Variants in RCAN2 observed in about 807,000 individuals in gnomAD.
RCAN2 encodes the protein regulator of calcineurin 2.
A neutral mutation model predicts 23.6 loss-of-function variants in RCAN2; 9 were observed. The ratio of observed to expected loss-of-function variants is 0.38; its 90% confidence interval spans 0.23 to 0.67. The LOEUF (loss-of-function observed/expected upper bound fraction) is 0.67, where lower values mean the gene tolerates loss of function less well. Ranked by LOEUF, RCAN2 falls within the 30% of genes least tolerant of loss-of-function variation. The probability of loss-of-function intolerance (pLI) is 0.51; values close to 1 mark genes in which losing one functional copy is unlikely to be tolerated. For missense variants in RCAN2, 273 were observed against 302.3 expected (o/e 0.90, Z 0.72); for synonymous variants, 109 against 115.7 (o/e 0.94, Z 0.37).
intron 2 of RCAN2, among the ~76,000 whole-genome samples, chr6:46,341,643 C>A (rs2396637): frequency 0.42 from 63,845 of 151,542 alleles, 14,856 homozygotes; most frequent in East Asian, 0.6. Context: ...ACTAAAAATA[C>A]AAAAAATAGC....
intron 2 of RCAN2, among the ~76,000 whole-genome samples, chr6:46,414,815 C>CAT (rs1200842080): frequency 1.3e-5 from 2 of 152,136 alleles, no homozygotes; most frequent in African/African-American, 2.4e-5. Context: ...TATGTGCACA[C>CAT]ATATATATAT....
At chr6:46,337,531 C>T (rs1192858715) in intron 2 of RCAN2, among the ~76,000 whole-genome samples, 1 of 152,200 alleles carries the variant, frequency 6.6e-6, no homozygotes, top group East Asian at 1.9e-4. Flanking sequence ...GAAAAGCAAA[C>T]GTACCATATT....
chr6:46,357,102 A>G lies in RCAN2; in HGVS notation c.225+99650T>C, dbSNP rs142502519. Among the ~76,000 whole-genome samples, 577 of 152,290 alleles carry G rather than the reference A, an allele frequency of 3.8e-3. 2 individuals are homozygous for G. The highest frequency in any genetic ancestry group is 0.013 in the African/African-American group (553 of 41,560). On this transcript the variant is annotated intron_variant, in intron 2 of 4. Transcript: ENST00000371374. ...GGAATTTTTAGTGGAGCAGGCTGCCATATCAGGCTGCCTCTGCCAAGACAT... is the reference window on the plus strand; with the variant it reads ...GGAATTTTTAGTGGAGCAGGCTGCCGTATCAGGCTGCCTCTGCCAAGACAT...
rs528430710 is a variant in RCAN2, at chr6:46,403,571, T to C, written c.225+53181A>G. On this transcript the variant is annotated intron_variant, in intron 2 of 4. Coordinates refer to ENST00000371374, the MANE Select transcript of RCAN2 (RefSeq NM_001251974.2). ...TGGGCAACAAGAGCGAAACTCCGTA[T>C]CAAAAAAAAAAAAAAAAAATTCTGC... 1.6e-3 allele frequency among the ~76,000 whole-genome samples: 131 copies of C among 79,792 alleles called. 1 individual carries two copies. The Middle Eastern group carries it at 0.019, about 11-fold the overall frequency. 52.3% of individuals were successfully genotyped at this position (79,792 alleles called of 152,430 possible). A position where few individuals can be genotyped will look rare whatever the true frequency, so the allele number is the denominator to read the frequency against.
chr6:46,286,836 C>T (rs551943130), intron 2 of RCAN2, among the ~76,000 whole-genome samples: 1 of 152,102 alleles, frequency 6.6e-6, no homozygotes, highest in African/African-American at 2.4e-5. Flanking sequence ...AACCCCATCT[C>T]TACTAAAAAT....
rs144885852 is a variant in RCAN2 at position 46,324,809 on chromosome 6, C to A, written c.226-75913G>T. Among the ~76,000 whole-genome samples the A allele has an allele frequency of 6.8e-3, 1,040 of 152,298 alleles. 11 individuals carry two copies. The highest frequency in any genetic ancestry group is 0.023 in the African/African-American group (967 of 41,548). On this transcript the variant is annotated intron_variant, in intron 2 of 4. Transcript: ENST00000371374. The stretch of plus-strand genomic sequence containing the variant: ...AATATTTATGCCTAAACTTTATGAA[C>A]AACTGCTCAAGGAAAATGACTTGCT...
intron 1 of RCAN2, among the ~76,000 whole-genome samples, chr6:46,489,115 T>C (rs766094478): frequency 6.6e-6 from 1 of 152,224 alleles, no homozygotes; most frequent in Non-Finnish European, 1.5e-5. Context: ...GTCCTCTGAA[T>C]GTGACCTTTC....
chr6:46,446,449 G>A (rs934091169), intron 2 of RCAN2, among the ~76,000 whole-genome samples: 1 of 152,058 alleles, frequency 6.6e-6, no homozygotes, highest in Admixed American at 6.6e-5. Context: ...AAATGCTAAT[G>A]GGATTTCTTC....
intron 2 of RCAN2, chr6:46,325,646 G>A: frequency 4.2e-6 from 6 of 1,419,376 alleles, no homozygotes; most frequent in Non-Finnish European, 5.5e-6. Flanking sequence ...GCAGCCCTCC[G>A]CGTCTGAGGC....
At chr6:46,353,877 C>T (rs1323806029) in intron 2 of RCAN2, among the ~76,000 whole-genome samples, 1 of 152,148 alleles carries the variant, frequency 6.6e-6, no homozygotes, top group African/African-American at 2.4e-5. Flanking sequence ...ACCATGTTAT[C>T]AGGCTTTAAG....
Position 46,410,297 on chromosome 6 carries a change from C to A in RCAN2, c.225+46455G>T, listed in dbSNP as rs568820213. Among the ~76,000 whole-genome samples the A allele has an allele frequency of 8.2e-4, 125 of 152,306 alleles. 1 individual carries two copies. The highest frequency in any genetic ancestry group is 1.6e-3 in the Non-Finnish European group (109 of 68,036). On this transcript the variant is annotated intron_variant, in intron 2 of 4. Coordinates refer to ENST00000371374, the MANE Select transcript of RCAN2 (RefSeq NM_001251974.2). ...GGACTTAGCCTTCATCATTGCTAAG[C>A]TAATTTCCTTAATAAATCCCCACTC...
intron 2 of RCAN2, among the ~76,000 whole-genome samples, chr6:46,322,934 T>G (rs1312217429): frequency 2.0e-5 from 3 of 152,256 alleles, no homozygotes; most frequent in African/African-American, 7.2e-5. Context: ...ACATAACATT[T>G]GGCCCACCTT....
chr6:46,385,772 G>A (rs575129862), intron 2 of RCAN2, among the ~76,000 whole-genome samples: 20 of 145,764 alleles, frequency 1.4e-4, no homozygotes, highest in African/African-American at 5.1e-4. Flanking sequence ...CATGAGAATC[G>A]TTTGAACCTG....
At chr6:46,477,368 T>C (rs1469258161) in intron 1 of RCAN2, among the ~76,000 whole-genome samples, 1 of 152,112 alleles carries the variant, frequency 6.6e-6, no homozygotes, top group African/African-American at 2.4e-5. Flanking sequence ...TCTAACATTT[T>C]TGGGTAACAC....
intron 2 of RCAN2, among the ~76,000 whole-genome samples, chr6:46,252,959 C>A (rs1472464926): frequency 6.6e-6 from 1 of 152,172 alleles, no homozygotes; most frequent in Non-Finnish European, 1.5e-5. Flanking sequence ...ACTGCATAAT[C>A]ACATAACATT....
At chr6:46,323,427 G>T (rs1388570492) in intron 2 of RCAN2, among the ~76,000 whole-genome samples, 1 of 151,028 alleles carries the variant, frequency 6.6e-6, no homozygotes, top group Non-Finnish European at 1.5e-5. Flanking sequence ...TGATGATTCA[G>T]AGCTATTGGC....
intron 1 of RCAN2, among the ~76,000 whole-genome samples, chr6:46,459,585 T>C (rs1262541401): frequency 6.6e-6 from 1 of 152,232 alleles, no homozygotes; most frequent in Non-Finnish European, 1.5e-5. Context: ...TTTACTTACA[T>C]GGAGAAATAC....
intron 2 of RCAN2, among the ~76,000 whole-genome samples, chr6:46,447,363 A>G (rs1447782253): frequency 6.6e-6 from 1 of 151,920 alleles, no homozygotes; most frequent in Admixed American, 6.5e-5. Flanking sequence ...ATAGAGAGAG[A>G]GAATAGAGAG....
At chr6:46,451,235 T>C (rs192428155) in intron 2 of RCAN2, among the ~76,000 whole-genome samples, 1 of 152,098 alleles carries the variant, frequency 6.6e-6, no homozygotes, top group African/African-American at 2.4e-5. Flanking sequence ...TGTCTGAAAC[T>C]CTTGAGGAGT....
Sources: gnomAD v4.1 joint callset for allele counts (sites outside exome capture counted in the v4.1 genomes callset) on GRCh38, gnomAD v4.1.1 for gene constraint, MANE v1.5 for transcripts, NCBI Gene and HGNC (gene_info 2026-07-23, HGNC 2026-07-21) for gene names.